The following TTC36 variants were observed in gnomAD, a reference collection of about 807,000 sequenced individuals.
The protein encoded by TTC36 is tetratricopeptide repeat domain 36, also known as tetratricopeptide repeat protein 36.
In TTC36, 15 loss-of-function variants were observed where a neutral mutation model predicts 17.5. That is an observed-to-expected ratio of 0.86 (90% confidence interval 0.57 to 1.32). The LOEUF is 1.32. Ranked by LOEUF, TTC36 falls within the 40% of genes most tolerant of loss-of-function variation. TTC36 has a pLI of 0.00. For missense variants in TTC36, 292 were observed against 260.9 expected (o/e 1.12, Z -0.82); for synonymous variants, 112 against 109.8 (o/e 1.02, Z -0.13).
intron 1 of TTC36, 40 bp from the exon 2 acceptor site, chr11:118,528,563 A>T (rs782698002): frequency 4.6e-6 from 7 of 1,509,572 alleles, no homozygotes; most frequent in Non-Finnish European, 3.5e-6. Flanking sequence ...CTTGCTACCA[A>T]CTGCACACCT....
At position 118,530,991 on chromosome 11, in the gene TTC36, C is replaced by A; in HGVS notation, c.*75C>A. The A allele has an allele frequency of 7.2e-7, 1 of 1,394,976 alleles. No homozygotes were observed. Among genetic ancestry groups the A allele is most frequent in the Non-Finnish European group, 9.2e-7 (1 of 1,082,170 alleles). 86.4% of individuals were successfully genotyped at this position (1,394,976 alleles called of 1,614,324 possible). A position where few individuals can be genotyped will look rare whatever the true frequency, so the allele number is the denominator to read the frequency against. ...AACCAATAAAGCCGTCGGGCCTCAC[C>A]GACTCCGCCTGCTCCTGCGTCCTGC... On this transcript the variant is annotated 3_prime_UTR_variant, in exon 3 of 3. Transcript: ENST00000302783. The surrounding 1 kb of genome is among the most constrained non-coding windows in gnomAD (Gnocchi z 5.8).
chr11:118,528,074 C>T (rs782037917), intron 1 of TTC36: 3 of 429,360 alleles, frequency 7.0e-6, no homozygotes, highest in Non-Finnish European at 1.4e-5. Context: ...CGTTCACTGG[C>T]TTTTCCATTA....
chr11:118,530,846 A>G lies in TTC36; in HGVS notation c.500A>G (p.Tyr167Cys). The change falls in exon 3 of 3, where the codon TAC (tyrosine) becomes TGC (cysteine). Residue 167 changes from tyrosine (Y) to cysteine (C), a missense_variant. Coordinates refer to ENST00000302783, the MANE Select transcript of TTC36 (RefSeq NM_001080441.4). The surrounding 1 kb of genome is among the most constrained non-coding windows in gnomAD (Gnocchi z 5.8). ...CGCCAGCTGGTGCTGCTCAACCCCT[A>G]CGCCGCGCTGTGCAACCGCATGCTG... is the stretch of plus-strand genomic sequence containing the variant. Reference protein sequence around the residue: ...ARRQLVLLNPYAALCNRMLAD... With the variant: ...ARRQLVLLNPCAALCNRMLAD... 2.0e-6 allele frequency: 3 copies of G among 1,511,130 alleles called. No individual in the cohort carries two copies. The highest frequency in any genetic ancestry group is 1.4e-5 in the African/African-American group (1 of 69,374). The allele number at this position is 1,511,130 out of a possible 1,614,324, so 93.6% of individuals were successfully genotyped here.
Position 118,530,128 on chromosome 11 carries a change from C to T in TTC36, c.308-526C>T, listed in dbSNP as rs782801383. On this transcript the variant is annotated intron_variant, in intron 2 of 2. Coordinates refer to ENST00000302783, the MANE Select transcript of TTC36 (RefSeq NM_001080441.4). The surrounding 1 kb of genome is among the most constrained non-coding windows in gnomAD (Gnocchi z 5.8). ...GAGAGAGAAGGTGTTCTAAAGAAAG[C>T]AATGGAAAAGAGAAAACGGCCCTCA... 2.0e-5 allele frequency among the ~76,000 whole-genome samples: 3 copies of T among 152,130 alleles called. No homozygotes were observed. The highest frequency in any genetic ancestry group is 4.4e-5 in the Non-Finnish European group (3 of 68,028).
In TTC36 at chr11:118,530,775, C is replaced by T; in HGVS notation, c.429C>T (p.Arg143=). 2 of 1,509,486 alleles carry T rather than the reference C, an allele frequency of 1.3e-6. No individual in the cohort carries two copies. Among genetic ancestry groups the T allele is most frequent in the Non-Finnish European group, 8.8e-7 (1 of 1,138,382 alleles). The allele number at this position is 1,509,486 out of a possible 1,614,324, so 93.5% of individuals were successfully genotyped here. A position where few individuals can be genotyped will look rare whatever the true frequency, so the allele number is the denominator to read the frequency against. The change falls in exon 3 of 3, where the codon CGC becomes CGT. Residue 143 remains arginine, a synonymous_variant. Transcript: ENST00000302783. The surrounding 1 kb of genome is among the most constrained non-coding windows in gnomAD (Gnocchi z 5.8). The part of the protein sequence containing the change: ...ARLQGRDDDA[R]RDFERAARLG... ...TGCAGGGCCGAGACGACGACGCCCG[C>T]AGGGACTTCGAGAGGGCGGCACGGC... is the stretch of plus-strand genomic sequence containing the variant.
At position 118,528,807 on chromosome 11, in the gene TTC36, C is replaced by G; in HGVS notation, c.307+16C>G. 6.3e-7 allele frequency: 1 copy of G among 1,580,750 alleles called. No homozygotes were observed. Among genetic ancestry groups the G allele is most frequent in the Non-Finnish European group, 8.6e-7 (1 of 1,161,030 alleles). On this transcript the variant is annotated intron_variant, in intron 2 of 2. Coordinates refer to ENST00000302783, the MANE Select transcript of TTC36 (RefSeq NM_001080441.4). ...GACGTGGCAGGTAAGGGGAGATGCCCTGTATCCTCTGCAAAAGGGCCCACG... is the reference window on the plus strand; with the variant it reads ...GACGTGGCAGGTAAGGGGAGATGCCGTGTATCCTCTGCAAAAGGGCCCACG...
At chr11:118,528,925 T>G in intron 2 of TTC36, 134 bp downstream of exon 2, 2 of 733,060 alleles carry the variant, frequency 2.7e-6, no homozygotes, top group Non-Finnish European at 4.2e-6. Context: ...AAGGTAGGAG[T>G]AGTATCAGGG....
Position 118,530,467 on chromosome 11 carries a change from C to T in TTC36, c.308-187C>T. On this transcript the variant is annotated intron_variant, in intron 2 of 2. Transcript: ENST00000302783. The surrounding 1 kb of genome is among the most constrained non-coding windows in gnomAD (Gnocchi z 5.8). ...TTGGCTGTAGAGCTTAACTCTTCCA[C>T]AGTCTTCATCTGTGTAATGGGAATA... 1.6e-6 allele frequency: 1 copy of T among 618,612 alleles called. No homozygotes were observed. The highest frequency in any genetic ancestry group is 2.4e-6 in the Non-Finnish European group (1 of 408,644). 38.3% of individuals were successfully genotyped at this position (618,612 alleles called of 1,614,324 possible). A position where few individuals can be genotyped will look rare whatever the true frequency, so the allele number is the denominator to read the frequency against.
chr11:118,530,952 G>A lies in TTC36; in HGVS notation c.*36G>A. 3 of 1,469,010 alleles carry A rather than the reference G, an allele frequency of 2.0e-6. No homozygotes were observed. Among genetic ancestry groups the A allele is most frequent in the South Asian group, 1.3e-5 (1 of 75,818 alleles). 91.0% of individuals were successfully genotyped at this position (1,469,010 alleles called of 1,614,324 possible). On this transcript the variant is annotated 3_prime_UTR_variant, in exon 3 of 3. Transcript: ENST00000302783. This position sits in a 1 kb window ranked among gnomAD's most constrained non-coding sequence, Gnocchi z 5.8. ...CCCGGGCGTCCGCGGGCGAGGGGAC[G>A]GGACTGGGCCCTGAACCAATAAAGC...
chr11:118,527,934 CCAGAA>C (rs1222967452), intron 1 of TTC36: 5 of 478,900 alleles, frequency 1.0e-5, no homozygotes, highest in African/African-American at 2.0e-5. Context: ...AATACCACCA[CCAGAA>C]CAGAAGACTG....
In TTC36 at chr11:118,530,637, T is replaced by G. The variant is rs782129430; in HGVS notation, c.308-17T>G. ...CCTCCGCTGACCCCCGCCCCGCCCG[T>G]CTCGTCGGTCCCGCAGGCGCCCTGG... is the stretch of plus-strand genomic sequence containing the variant. On this transcript the variant is annotated splice_polypyrimidine_tract_variant and intron_variant, in intron 2 of 2. Transcript: ENST00000302783. This position sits in a 1 kb window ranked among gnomAD's most constrained non-coding sequence, Gnocchi z 5.8. The G allele has an allele frequency of 7.0e-7, 1 of 1,418,748 alleles. No individual in the cohort carries two copies. Among genetic ancestry groups the G allele is most frequent in the Non-Finnish European group, 9.1e-7 (1 of 1,097,118 alleles). The allele number at this position is 1,418,748 out of a possible 1,614,324, so 87.9% of individuals were successfully genotyped here. A position where few individuals can be genotyped will look rare whatever the true frequency, so the allele number is the denominator to read the frequency against.
chr11:118,528,121 G>C (rs528281388), intron 1 of TTC36: 2 of 388,696 alleles, frequency 5.1e-6, no homozygotes, highest in African/African-American at 4.2e-5. Flanking sequence ...TTTGTTTCTA[G>C]AGGAGTAAAG....
Position 118,530,784 on chromosome 11 carries a change from C to T in TTC36, c.438C>T (p.Phe146=), listed in dbSNP as rs1230292610. Residue 146 remains phenylalanine (F), a synonymous_variant, in exon 3 of 3, where the codon TTC becomes TTT. Coordinates refer to ENST00000302783, the MANE Select transcript of TTC36 (RefSeq NM_001080441.4). This position sits in a 1 kb window ranked among gnomAD's most constrained non-coding sequence, Gnocchi z 5.8. ...GAGACGACGACGCCCGCAGGGACTT[C>T]GAGAGGGCGGCACGGCTGGGCAGCC... is the stretch of plus-strand genomic sequence containing the variant. ...QGRDDDARRD[F]ERAARLGSPF... 2.0e-6 allele frequency: 3 copies of T among 1,508,986 alleles called. No homozygotes were observed. Among genetic ancestry groups the T allele is most frequent in the East Asian group, 2.7e-5 (1 of 36,822 alleles). 93.5% of individuals were successfully genotyped at this position (1,508,986 alleles called of 1,614,324 possible). A position where few individuals can be genotyped will look rare whatever the true frequency, so the allele number is the denominator to read the frequency against.
In TTC36 at chr11:118,528,775, C is replaced by G; in HGVS notation, c.291C>G (p.Leu97=). 1 of 1,608,878 alleles carries G rather than the reference C, an allele frequency of 6.2e-7. No individual in the cohort carries two copies. Among genetic ancestry groups the G allele is most frequent in the Non-Finnish European group, 8.5e-7 (1 of 1,177,884 alleles). Residue 97 remains leucine (L), a synonymous_variant, in exon 2 of 3, where the codon CTC becomes CTG. Transcript: ENST00000302783. ...ACAACCGTGCCCAGGCCCGGCGACT[C>G]CAGGGAGACGTGGCAGGTAAGGGGA... is the stretch of plus-strand genomic sequence containing the variant. ...AYNNRAQARR[L]QGDVAGALED...
At position 118,527,628 on chromosome 11, in the gene TTC36, G is replaced by C. The variant is rs1203378254; in HGVS notation, c.118+16G>C. 6.3e-6 allele frequency: 10 copies of C among 1,594,730 alleles called. No homozygotes were observed. The highest frequency in any genetic ancestry group is 7.7e-6 in the Non-Finnish European group (9 of 1,162,316). On this transcript the variant is annotated intron_variant, in intron 1 of 2. Coordinates refer to ENST00000302783, the MANE Select transcript of TTC36 (RefSeq NM_001080441.4). ...CGAGAAGAAGGTGGGCATTTGATCT[G>C]GAGTGTAGCTCTGCACATAGGCTGG...
Position 118,530,727 on chromosome 11 carries a change from G to T in TTC36, c.381G>T (p.Val127=). ...GCCGCGCCGCCCGCCAGAGCTTTGT[G>T]CAGCGCGGACTCCTGGCGCGGCTGC... ...GRGRAARQSF[V]QRGLLARLQG... is the part of the protein sequence containing the mutation. The change falls in exon 3 of 3, where the codon GTG becomes GTT. Residue 127 remains valine (V), a synonymous_variant. Transcript: ENST00000302783. This position sits in a 1 kb window ranked among gnomAD's most constrained non-coding sequence, Gnocchi z 5.8. The T allele has an allele frequency of 6.7e-7, 1 of 1,495,692 alleles. No homozygotes were observed. Among genetic ancestry groups the T allele is most frequent in the Non-Finnish European group, 8.8e-7 (1 of 1,131,478 alleles). The allele number at this position is 1,495,692 out of a possible 1,614,324, so 92.7% of individuals were successfully genotyped here.
At chr11:118,529,843 C>T (rs975377449) in intron 2 of TTC36, among the ~76,000 whole-genome samples, 30 of 152,230 alleles carry the variant, frequency 2.0e-4, no homozygotes, top group African/African-American at 6.8e-4. Context: ...GAGCGCTTCT[C>T]CGGAGGCTCA....
rs564429982 is a variant in TTC36 at position 118,529,517 on chromosome 11, T to C, written c.307+726T>C. 9.2e-5 allele frequency among the ~76,000 whole-genome samples: 14 copies of C among 152,294 alleles called. No homozygotes were observed. The South Asian group carries it at 1.9e-3, about 20-fold the overall frequency. Reference sequence around the variant, plus strand: ...CTGCATTCAGGTTATTCTAATTAAGTGAAGACAATGGGACCATGCTGGGGA... The same window carrying C: ...CTGCATTCAGGTTATTCTAATTAAGCGAAGACAATGGGACCATGCTGGGGA... On this transcript the variant is annotated intron_variant, in intron 2 of 2. Coordinates refer to ENST00000302783, the MANE Select transcript of TTC36 (RefSeq NM_001080441.4).
Position 118,530,971 on chromosome 11 carries a change from A to C in TTC36, c.*55A>C. ...GGGGACGGGACTGGGCCCTGAACCA[A>C]TAAAGCCGTCGGGCCTCACCGACTC... On this transcript the variant is annotated 3_prime_UTR_variant, in exon 3 of 3. Transcript: ENST00000302783. The surrounding 1 kb of genome is among the most constrained non-coding windows in gnomAD (Gnocchi z 5.8). 7.0e-7 allele frequency: 1 copy of C among 1,438,448 alleles called. No homozygotes were observed. Among genetic ancestry groups the C allele is most frequent in the African/African-American group, 1.5e-5 (1 of 66,224 alleles). The allele number at this position is 1,438,448 out of a possible 1,614,324, so 89.1% of individuals were successfully genotyped here. A position where few individuals can be genotyped will look rare whatever the true frequency, so the allele number is the denominator to read the frequency against.
Sources: allele counts gnomAD v4.1 joint callset (sites outside exome capture counted in the v4.1 genomes callset), GRCh38; gene constraint gnomAD v4.1.1; non-coding constraint Gnocchi (gnomAD v3.1); transcripts MANE v1.5; gene names NCBI Gene and HGNC (gene_info 2026-07-23, HGNC 2026-07-21).